The following CIB1 variants were observed in gnomAD, a reference collection of about 807,000 sequenced individuals.
The protein encoded by CIB1 is calcium and integrin-binding protein 1.
CIB1 carries 19 observed loss-of-function variants against 25.0 expected under a neutral mutation model. The ratio of observed to expected loss-of-function variants is 0.76; its 90% CI spans 0.53 to 1.12. The LOEUF (loss-of-function observed/expected upper bound fraction) is 1.12, where lower values mean the gene tolerates loss of function less well. CIB1 is among the 50% of genes most tolerant of loss of function. The pLI is 0.00. For synonymous variants in CIB1, 104 were observed against 98.5 expected, an observed-to-expected ratio of 1.06 and a Z score of -0.33; for missense variants, 236 against 242.6, an observed-to-expected ratio of 0.97 and a Z score of 0.18.
chr15:90,263,751 C>A, the CIB1 span: 1 of 689,694 alleles, frequency 1.4e-6, no homozygotes, highest in South Asian at 1.5e-5. Flanking sequence ...CTAGATTTTG[C>A]TAGGACAGGC....
chr15:90,264,592 G>C, the CIB1 span: 1 of 1,071,888 alleles, frequency 9.3e-7, no homozygotes, highest in Non-Finnish European at 1.3e-6. Context: ...AATACAGTGT[G>C]GGAAAGACAG....
At position 90,231,371 on chromosome 15, in the gene CIB1, G is replaced by A. The variant is rs759819987; in HGVS notation, c.332C>T (p.Ala111Val). Residue 111 changes from alanine (A) to valine (V), a missense_variant, in exon 4 of 7, where the codon GCC becomes GTC. Transcript: ENST00000328649. ...CTGGTTCTCACCAAAGATGCGGAAG[G>A]CATAATGGGACTTGATGTCTGGCGT... ...TATPDIKSHY[A>V]FRIFDFDDDG... 6.2e-7 allele frequency: 1 copy of A among 1,614,144 alleles called. No individual in the cohort carries two copies. The highest frequency in any genetic ancestry group is 1.7e-5 in the Admixed American group (1 of 60,022).
chr15:90,248,036 C>T, the CIB1 span, among the ~76,000 whole-genome samples: 3 of 151,958 alleles, frequency 2.0e-5, no homozygotes, highest in African/African-American at 4.8e-5. Flanking sequence ...CCATCACACC[C>T]GGCCAGATAT....
At chr15:90,241,451 G>C in the CIB1 span, 17 of 1,613,430 alleles carry the variant, frequency 1.1e-5, no homozygotes, top group East Asian at 3.6e-4. Flanking sequence ...CCCAGCGCCT[G>C]CTGCCGGGTG....
chr15:90,261,083 C>CTT, the CIB1 span, among the ~76,000 whole-genome samples: 4 of 140,910 alleles, frequency 2.8e-5, no homozygotes, highest in Non-Finnish European at 4.7e-5. Context: ...TTCTTGTTTT[C>CTT]TTTTTTTTTT....
At chr15:90,234,732 T>C (rs1471229042), upstream of CIB1, 1 of 152,280 alleles carries the variant, frequency 6.6e-6, no homozygotes, top group Non-Finnish European at 1.5e-5. Flanking sequence ...TTCTCATCAT[T>C]CCAGCTGACC....
At chr15:90,255,924 G>A in the CIB1 span, 1 of 1,613,510 alleles carries the variant, frequency 6.2e-7, no homozygotes, top group Non-Finnish European at 8.5e-7. Context: ...ATACCAGGGG[G>A]AGGAAAAGGG....
the CIB1 span, chr15:90,244,714 G>T: frequency 6.6e-6 from 1 of 152,290 alleles, no homozygotes; most frequent in South Asian, 2.1e-4. Context: ...ATCTACTTGG[G>T]AGGCTGAGGC....
the CIB1 span, chr15:90,263,146 G>A: frequency 1.3e-6 from 2 of 1,522,056 alleles, no homozygotes; most frequent in African/African-American, 1.4e-5. Context: ...TGAGAGTCGG[G>A]TGAGGGTCCC....
chr15:90,262,062 A>G, the CIB1 span: 1 of 1,535,970 alleles, frequency 6.5e-7, no homozygotes, highest in Non-Finnish European at 8.7e-7. Flanking sequence ...CGATATGAGG[A>G]TTCTCACCTG....
At chr15:90,237,004 G>A (rs1962648821), upstream of CIB1, among the ~76,000 whole-genome samples, 1 of 151,968 alleles carries the variant, frequency 6.6e-6, no homozygotes, top group African/African-American at 2.4e-5. Flanking sequence ...CTGTCACCAG[G>A]CTGGAGTGCA....
At chr15:90,244,827 T>C in the CIB1 span, 1 of 151,998 alleles carries the variant, frequency 6.6e-6, no homozygotes, top group Admixed American at 6.6e-5. Flanking sequence ...TCAAAATAAA[T>C]AAATACATAA....
At chr15:90,254,491 TAA>T in the CIB1 span, among the ~76,000 whole-genome samples, 41 of 84,178 alleles carry the variant, frequency 4.9e-4, no homozygotes, top group Admixed American at 3.2e-4. Context: ...AGACTCCATC[TAA>T]AAAAAAAAAA....
chr15:90,259,776 A>AAT, the CIB1 span, among the ~76,000 whole-genome samples: 4 of 152,252 alleles, frequency 2.6e-5, no homozygotes, highest in African/African-American at 4.8e-5. Flanking sequence ...GTCATTCAAT[A>AAT]ATAGAGAATC....
At chr15:90,237,662 A>G (rs908985817), upstream of CIB1, among the ~76,000 whole-genome samples, 1 of 152,058 alleles carries the variant, frequency 6.6e-6, no homozygotes, top group Non-Finnish European at 1.5e-5. Context: ...CTTGTTGGCC[A>G]TCTTTATATC....
chr15:90,263,027 A>T, the CIB1 span: 2 of 1,536,124 alleles, frequency 1.3e-6, no homozygotes, highest in Non-Finnish European at 1.7e-6. Context: ...GAGGAGCTGG[A>T]GCGGATGAAG....
At chr15:90,263,322 T>A in the CIB1 span, 1 of 577,176 alleles carries the variant, frequency 1.7e-6, no homozygotes, top group Non-Finnish European at 3.0e-6. Context: ...TTGCGTCTGT[T>A]CCCAAGCTCC....
At chr15:90,259,861 T>C in the CIB1 span, among the ~76,000 whole-genome samples, 1 of 152,366 alleles carries the variant, frequency 6.6e-6, no homozygotes, top group Admixed American at 6.5e-5. Context: ...TGGTCACCGA[T>C]ACTAAAATTG....
chr15:90,232,099 A>C (rs1177501183), intron 3 of CIB1, 120 bp downstream of exon 3: 6 of 774,924 alleles, frequency 7.7e-6, no homozygotes, highest in Non-Finnish European at 1.3e-5. Context: ...AACTAAGCAG[A>C]AAAATGACCA....
Sources: gnomAD v4.1 joint callset for allele counts (sites outside exome capture counted in the v4.1 genomes callset) on GRCh38, gnomAD v4.1.1 for gene constraint, MANE v1.5 for transcripts, NCBI Gene and HGNC (gene_info 2026-07-23, HGNC 2026-07-21) for gene names.